ZNF365: variants seen among roughly 807,000 people sequenced by gnomAD.
ZNF365 encodes the protein zinc finger protein 365.
ZNF365 carries 22 observed loss-of-function variants against 35.0 expected under a neutral mutation model. That is an observed-to-expected ratio of 0.63 (90% CI 0.45 to 0.90). The LOEUF is 0.90. Among genes scored for constraint, ZNF365 ranks in the 40% least tolerant of loss-of-function variants. The probability of loss-of-function intolerance (pLI) is 0.00; values close to 1 mark genes in which losing one functional copy is unlikely to be tolerated. For synonymous variants in ZNF365, 188 were observed against 196.2 expected, an observed-to-expected ratio of 0.96 and a Z score of 0.35; for missense variants, 448 against 500.3, an observed-to-expected ratio of 0.90 and a Z score of 1.00.
chr10:62,476,658 A>G (rs1343065730), intron 4 of ZNF365, among the ~76,000 whole-genome samples: 2 of 152,234 alleles, frequency 1.3e-5, no homozygotes, highest in Non-Finnish European at 2.9e-5. Context: ...CTTCCATAGA[A>G]GTTCTAGAGA....
At chr10:62,469,466 GT>G (rs1042395813) in intron 4 of ZNF365, among the ~76,000 whole-genome samples, 1 of 152,090 alleles carries the variant, frequency 6.6e-6, no homozygotes, top group African/African-American at 2.4e-5. Context: ...AATACCCTCA[GT>G]TTTTTAGCGA....
intron 4 of ZNF365, chr10:62,459,836 A>G (rs529380714): frequency 1.3e-6 from 2 of 1,575,998 alleles, no homozygotes; most frequent in East Asian, 2.3e-5. Flanking sequence ...GGGCCTGGTT[A>G]CAATAACCAG....
intron 3 of ZNF365, among the ~76,000 whole-genome samples, chr10:62,441,525 C>T (rs937452112): frequency 1.3e-5 from 2 of 152,066 alleles, no homozygotes; most frequent in East Asian, 1.9e-4. Flanking sequence ...CAGGGCAGAA[C>T]CTTACTGATT....
Position 62,477,062 on chromosome 10 carries a change from G to A in ZNF365, c.982-2814G>A, listed in dbSNP as rs983566574. On this transcript the variant is annotated intron_variant, in intron 4 of 4. Coordinates refer to the ZNF365 transcript ENST00000395255. The stretch of plus-strand genomic sequence containing the variant: ...GTTCATTTTCTGTGCCAGATACCAC[G>A]CCTGGCATGGGGGGGATTAAAAAGT... Among the ~76,000 whole-genome samples, 8 of 152,270 alleles carry A rather than the reference G, an allele frequency of 5.3e-5. No individual in the cohort carries two copies. In the East Asian group the frequency reaches 9.7e-4, roughly 18 times the overall value.
At chr10:62,427,564 T>C (rs1840269680) in intron 3 of ZNF365, among the ~76,000 whole-genome samples, 1 of 152,184 alleles carries the variant, frequency 6.6e-6, no homozygotes, top group African/African-American at 2.4e-5. Context: ...ATATAAGCAA[T>C]ACAGTAGTTC....
intron 4 of ZNF365, among the ~76,000 whole-genome samples, chr10:62,469,979 G>A (rs958143892): frequency 2.0e-5 from 3 of 152,122 alleles, no homozygotes; most frequent in African/African-American, 7.2e-5. Context: ...GTCTTTTAAT[G>A]TGTATATATT....
chr10:62,398,494 T>C (rs185085459), intron 3 of ZNF365, among the ~76,000 whole-genome samples: 1 of 152,280 alleles, frequency 6.6e-6, no homozygotes, highest in East Asian at 1.9e-4. Context: ...TGAGATCTGC[T>C]GACATAGACT....
In ZNF365 at chr10:62,385,868, A is replaced by G. The variant is rs143246408; in HGVS notation, c.744-2528A>G. On this transcript the variant is annotated intron_variant, in intron 2 of 4. Transcript: ENST00000395254. ...AACCATTTCCATAATAAGATGTAGG[A>G]AATATTGACCGAAATGAATTTTTAA... Among the ~76,000 whole-genome samples the G allele has an allele frequency of 8.8e-3, 1,347 of 152,252 alleles. 21 individuals carry two copies. Among genetic ancestry groups the G allele is most frequent in the African/African-American group, 0.031 (1,296 of 41,544 alleles).
At chr10:62,462,507 C>T (rs1280956726) in intron 4 of ZNF365, among the ~76,000 whole-genome samples, 2 of 152,198 alleles carry the variant, frequency 1.3e-5, no homozygotes, top group South Asian at 2.1e-4. Context: ...CCTGGCATCC[C>T]ACATGTGGCC....
At chr10:62,390,060 A>T (rs1201300017) in intron 3 of ZNF365, among the ~76,000 whole-genome samples, 1 of 151,918 alleles carries the variant, frequency 6.6e-6, no homozygotes, top group Admixed American at 6.6e-5. Flanking sequence ...CCCTCTTAAG[A>T]GAGGGTTGGG....
At chr10:62,476,578 C>T (rs1353784258) in intron 4 of ZNF365, among the ~76,000 whole-genome samples, 1 of 152,182 alleles carries the variant, frequency 6.6e-6, no homozygotes, top group African/African-American at 2.4e-5. Flanking sequence ...GTTCTGCCAC[C>T]TGATGCCAAA....
In ZNF365 at chr10:62,400,019, A is replaced by C; in HGVS notation, c.*230A>C. 7.6e-7 allele frequency: 1 copy of C among 1,309,852 alleles called. No homozygotes were observed. The highest frequency in any genetic ancestry group is 9.7e-7 in the Non-Finnish European group (1 of 1,031,538). 81.1% of individuals were successfully genotyped at this position (1,309,852 alleles called of 1,614,324 possible). On this transcript the variant is annotated 3_prime_UTR_variant, in exon 5 of 5. Coordinates refer to ENST00000395254, the MANE Select transcript of ZNF365 (RefSeq NM_014951.3). ...AGCTTGCAAATTACAGAAAGAATAA[A>C]AAAATTAAATCAATCTTAAAGCTCT...
rs372279589 is a variant in ZNF365, at chr10:62,399,693, T to C, written c.1128T>C (p.Pro376=). 2.5e-6 allele frequency: 4 copies of C among 1,613,832 alleles called. No individual in the cohort carries two copies. Among genetic ancestry groups the C allele is most frequent in the Non-Finnish European group, 3.4e-6 (4 of 1,179,984 alleles). The part of the protein sequence containing the change: ...QAESSRDLCR[P]PKKGELLGFG... ...AGTCCTCAAGAGACCTCTGCAGACCTCCAAAGAAAGGGGAGCTCCTGGGGT... is the reference window on the plus strand; with the variant it reads ...AGTCCTCAAGAGACCTCTGCAGACCCCCAAAGAAAGGGGAGCTCCTGGGGT... The change falls in exon 5 of 5, where the codon CCT becomes CCC. Residue 376 remains proline (P), a synonymous_variant. Transcript: ENST00000395254.
chr10:62,427,751 A>G (rs1176040131), intron 3 of ZNF365, among the ~76,000 whole-genome samples: 1 of 152,130 alleles, frequency 6.6e-6, no homozygotes, highest in African/African-American at 2.4e-5. Context: ...TCTATGAAAT[A>G]AGGACAGAAA....
intron 3 of ZNF365, among the ~76,000 whole-genome samples, chr10:62,415,570 C>T (rs1237771619): frequency 2.0e-5 from 3 of 152,086 alleles, no homozygotes; most frequent in African/African-American, 4.8e-5. Context: ...AGGTTTTGGG[C>T]TTAGCTTGCA....
chr10:62,455,533 T>C (rs1206168758), intron 3 of ZNF365, among the ~76,000 whole-genome samples: 1 of 152,054 alleles, frequency 6.6e-6, no homozygotes, highest in Non-Finnish European at 1.5e-5. Flanking sequence ...AGCTGAGATA[T>C]ATGTATATGT....
At chr10:62,423,195 C>A (rs913310667) in intron 3 of ZNF365, among the ~76,000 whole-genome samples, 1 of 142,914 alleles carries the variant, frequency 7.0e-6, no homozygotes, top group Non-Finnish European at 1.5e-5. Context: ...CTGGTCTATA[C>A]AACATTTTTA....
chr10:62,456,661 T>C (rs1255929441), intron 3 of ZNF365, among the ~76,000 whole-genome samples: 1 of 152,250 alleles, frequency 6.6e-6, no homozygotes, highest in Non-Finnish European at 1.5e-5. Flanking sequence ...CGATTTCAGC[T>C]CAGCTGTCCT....
At chr10:62,447,221 C>T (rs1840603949) in intron 3 of ZNF365, among the ~76,000 whole-genome samples, 1 of 152,152 alleles carries the variant, frequency 6.6e-6, no homozygotes, top group African/African-American at 2.4e-5. Context: ...AGAACAAGTG[C>T]TTAAGCCCTC....
Sources: gnomAD v4.1 joint callset for allele counts (sites outside exome capture counted in the v4.1 genomes callset) on GRCh38, gnomAD v4.1.1 for gene constraint, MANE v1.5 for transcripts, NCBI Gene and HGNC (gene_info 2026-07-23, HGNC 2026-07-21) for gene names.